Variants in ZFR observed in about 807,000 individuals in gnomAD.
ZFR encodes the protein zinc finger RNA-binding protein.
A neutral mutation model predicts 130.7 loss-of-function variants in ZFR; 19 were observed. That is an observed-to-expected ratio of 0.15 (90% CI 0.10 to 0.21). The LOEUF is 0.21. Among genes scored for constraint, ZFR ranks in the 10% least tolerant of loss-of-function variants. The pLI, the probability that ZFR is intolerant of heterozygous loss-of-function variation, is 1.00. For synonymous variants in ZFR, 466 were observed against 456.9 expected (o/e 1.02, Z -0.25); for missense variants, 872 against 1,321.5 (o/e 0.66, Z 5.27).
At chr5:32,381,328 T>C (rs140058251) in intron 15 of ZFR, among the ~76,000 whole-genome samples, 1 of 152,324 alleles carries the variant, frequency 6.6e-6, no homozygotes, top group Non-Finnish European at 1.5e-5. Context: ...AATGTGTATA[T>C]TAACAGCAAA....
intron 17 of ZFR, among the ~76,000 whole-genome samples, chr5:32,372,680 A>G (rs1752700293): frequency 6.6e-6 from 1 of 152,082 alleles, no homozygotes; most frequent in South Asian, 2.1e-4. Flanking sequence ...TAAAAATACA[A>G]AAATTATCCA....
At chr5:32,403,043 C>A in intron 8 of ZFR, 63 bp downstream of exon 8, 1 of 1,521,754 alleles carries the variant, frequency 6.6e-7, no homozygotes, top group Non-Finnish European at 9.0e-7. Context: ...AGGGTTAGTG[C>A]TGCAATGGAG....
chr5:32,410,577 C>T (rs2910887), intron 5 of ZFR, among the ~76,000 whole-genome samples: 145,027 of 152,108 alleles, frequency 0.95, 69,201 homozygotes, highest in African/African-American at 0.98. Context: ...CACTGCACTC[C>T]AGCCTGGGTG....
chr5:32,401,750 T>C (rs944100443), intron 8 of ZFR, among the ~76,000 whole-genome samples: 6 of 151,502 alleles, frequency 4.0e-5, no homozygotes, highest in South Asian at 2.1e-4. Context: ...GAAATAAGAG[T>C]GTGGAGAATA....
intron 15 of ZFR, among the ~76,000 whole-genome samples, chr5:32,384,924 C>A (rs1188816915): frequency 6.6e-6 from 1 of 152,046 alleles, no homozygotes; most frequent in African/African-American, 2.4e-5. Flanking sequence ...GGTCAAATGT[C>A]CAAATCCTCC....
At chr5:32,418,147 C>G (rs1251049683) in intron 3 of ZFR, among the ~76,000 whole-genome samples, 1 of 151,790 alleles carries the variant, frequency 6.6e-6, no homozygotes, top group Non-Finnish European at 1.5e-5. Flanking sequence ...GTAGTCCCAG[C>G]TACTCGGGAG....
intron 11 of ZFR, among the ~76,000 whole-genome samples, chr5:32,392,072 G>A (rs1421938419): frequency 6.6e-6 from 1 of 152,198 alleles, no homozygotes; most frequent in South Asian, 2.1e-4. Flanking sequence ...GGGACTGATA[G>A]AAACCATTCT....
intron 19 of ZFR, among the ~76,000 whole-genome samples, chr5:32,359,094 G>A (rs1752374356): frequency 6.6e-6 from 1 of 151,998 alleles, no homozygotes; most frequent in Non-Finnish European, 1.5e-5. Flanking sequence ...GGCTAAGGCA[G>A]GATTGTGTGA....
chr5:32,424,703 G>A (rs989237733), intron 2 of ZFR, among the ~76,000 whole-genome samples: 2 of 152,054 alleles, frequency 1.3e-5, no homozygotes, highest in African/African-American at 4.8e-5. Flanking sequence ...TCTAATAAGC[G>A]GTACAGGATT....
chr5:32,410,191 T>C (rs1246468260), intron 5 of ZFR, among the ~76,000 whole-genome samples: 4 of 140,518 alleles, frequency 2.8e-5, no homozygotes, highest in African/African-American at 5.4e-5. Context: ...CGAGGCAGGA[T>C]GGATCATTTG....
chr5:32,395,424 T>A, intron 10 of ZFR, 120 bp from the exon 11 acceptor site: 2 of 702,744 alleles, frequency 2.8e-6, no homozygotes, highest in South Asian at 4.3e-5. Flanking sequence ...AGTTTCCCAC[T>A]AGAGAGTAAA....
intron 6 of ZFR, among the ~76,000 whole-genome samples, chr5:32,406,065 T>C (rs1456610772): frequency 6.6e-6 from 1 of 152,190 alleles, no homozygotes; most frequent in African/African-American, 2.4e-5. Flanking sequence ...CAAATTTTAA[T>C]ATAAAAAGTT....
intron 2 of ZFR, among the ~76,000 whole-genome samples, chr5:32,440,477 T>C (rs1025491692): frequency 6.6e-6 from 1 of 151,858 alleles, no homozygotes; most frequent in African/African-American, 2.4e-5. Context: ...GTGAAACTCG[T>C]CTGTACTAAA....
chr5:32,397,448 G>A, intron 9 of ZFR, 110 bp from the exon 10 acceptor site: 4 of 1,366,636 alleles, frequency 2.9e-6, no homozygotes, highest in Non-Finnish European at 3.0e-6. Context: ...AAGTGGCAAT[G>A]TCTATTACAT....
Position 32,444,629 on chromosome 5 carries a change from G to A in ZFR, c.30C>T (p.Phe10=). The A allele has an allele frequency of 6.6e-7, 1 of 1,506,674 alleles. No homozygotes were observed. Among genetic ancestry groups the A allele is most frequent in the Non-Finnish European group, 8.9e-7 (1 of 1,128,766 alleles). The allele number at this position is 1,506,674 out of a possible 1,614,324, so 93.3% of individuals were successfully genotyped here. Residue 10 remains phenylalanine (F), a synonymous_variant, in exon 1 of 20, where the codon TTC becomes TTT. Coordinates refer to ENST00000265069, the MANE Select transcript of ZFR (RefSeq NM_016107.5). ...GGGCCACATTAGACTCACCATAGGTGAAAGAAACTACAGGGCATATGGGAA... is the reference window on the plus strand; with the variant it reads ...GGGCCACATTAGACTCACCATAGGTAAAAGAAACTACAGGGCATATGGGAA... MIPICPVVS[F]TYVPSRLGED...
At chr5:32,395,122 A>T in intron 11 of ZFR, 37 bp downstream of exon 11, 2 of 1,540,662 alleles carry the variant, frequency 1.3e-6, no homozygotes, top group African/African-American at 2.8e-5. Context: ...AGAAAGGCTG[A>T]ACCACTTACC....
intron 10 of ZFR, among the ~76,000 whole-genome samples, chr5:32,395,840 T>C (rs369566006): frequency 5.9e-5 from 9 of 152,332 alleles, no homozygotes; most frequent in East Asian, 3.9e-4. Context: ...ATACAGTATA[T>C]ATGAGATACA....
chr5:32,439,923 C>T (rs1222280020), intron 2 of ZFR, among the ~76,000 whole-genome samples: 3 of 150,984 alleles, frequency 2.0e-5, no homozygotes, highest in Non-Finnish European at 2.9e-5. Flanking sequence ...GTATATGCCA[C>T]GAATTCTCCT....
chr5:32,399,835 TAGGC>T (rs1213510269), intron 9 of ZFR, among the ~76,000 whole-genome samples, 168 bp downstream of exon 9: 1 of 152,216 alleles, frequency 6.6e-6, no homozygotes, highest in Non-Finnish European at 1.5e-5. Flanking sequence ...TGATGTCACT[TAGGC>T]AGGCTTAAAG....
Sources: gnomAD v4.1 joint callset for allele counts (sites outside exome capture counted in the v4.1 genomes callset) on GRCh38, gnomAD v4.1.1 for gene constraint, MANE v1.5 for transcripts, NCBI Gene and HGNC (gene_info 2026-07-23, HGNC 2026-07-21) for gene names.